Variants in BBOF1 observed in about 807,000 individuals in gnomAD.
The protein encoded by BBOF1 is basal body orientation factor 1.
A neutral mutation model predicts 68.0 loss-of-function variants in BBOF1; 62 were observed. The observed-to-expected ratio is 0.91, with a 90% CI of 0.74 to 1.13. The LOEUF is 1.13. BBOF1 is among the 50% of genes most tolerant of loss of function. The pLI is 0.00. For missense variants in BBOF1, 534 were observed against 600.1 expected (o/e 0.89, Z 1.15); for synonymous variants, 208 against 198.8 (o/e 1.05, Z -0.39).
In BBOF1 at chr14:74,023,032, G is replaced by A. The variant is rs3784039; in HGVS notation, c.173G>A (p.Arg58Gln). ...LSRIKYRDTS[R>Q]ILAKSNEDLK... is the part of the protein sequence containing the mutation. ...AGGATTAAGTATCGTGATACTTCAC[G>A]GATACTGGCAAAAAGTAATGAGGAC... Residue 58 changes from arginine (R) to glutamine (Q), a missense_variant, in exon 2 of 12, where the codon CGG becomes CAG. Physicochemically the swap from Arg to Gln is conservative, Grantham distance 43 (BLOSUM62 1). Coordinates refer to ENST00000394009, the MANE Select transcript of BBOF1 (RefSeq NM_025057.3). 0.15 allele frequency: 237,436 copies of A among 1,608,980 alleles called. 21,817 individuals carry two copies. Among genetic ancestry groups the A allele is most frequent in the East Asian group, 0.55 (24,630 of 44,772 alleles).
chr14:74,075,053 G>C (rs776154938), intron 9 of BBOF1: 2 of 1,601,150 alleles, frequency 1.2e-6, no homozygotes, highest in Middle Eastern at 1.7e-4. Flanking sequence ...TGATAAATGA[G>C]AGCAGAAAGT....
chr14:74,051,110 G>C (rs908413285), intron 8 of BBOF1, among the ~76,000 whole-genome samples: 1 of 152,106 alleles, frequency 6.6e-6, no homozygotes, highest in African/African-American at 2.4e-5. Context: ...TGGGCATGGT[G>C]GCACATTCCT....
chr14:74,044,551 C>T (rs1298868146), intron 5 of BBOF1, among the ~76,000 whole-genome samples: 1 of 151,530 alleles, frequency 6.6e-6, no homozygotes, highest in Non-Finnish European at 1.5e-5. Context: ...CAGCCTCTAC[C>T]TCCCAGTCTC....
At chr14:74,028,783 A>G (rs1022306593) in intron 2 of BBOF1, among the ~76,000 whole-genome samples, 1 of 150,674 alleles carries the variant, frequency 6.6e-6, no homozygotes, top group Non-Finnish European at 1.5e-5. Context: ...ATCTCGGCTC[A>G]CTGCAACCTC....
At chr14:74,045,472 G>A (rs2059928578) in intron 5 of BBOF1, among the ~76,000 whole-genome samples, 1 of 152,092 alleles carries the variant, frequency 6.6e-6, no homozygotes, top group African/African-American at 2.4e-5. Context: ...ACCACACTGG[G>A]CTAATTTTGT....
chr14:74,069,040 A>G, downstream of BBOF1: 2 of 1,584,082 alleles, frequency 1.3e-6, no homozygotes, highest in Non-Finnish European at 1.7e-6. Context: ...CAACATGGCA[A>G]ATTTCCCCTT....
intron 5 of BBOF1, among the ~76,000 whole-genome samples, chr14:74,043,635 G>A (rs757516657): frequency 8.1e-5 from 12 of 148,748 alleles, no homozygotes; most frequent in Non-Finnish European, 1.8e-4. Flanking sequence ...CATGATCTCG[G>A]CTCACTGCAA....
At chr14:74,066,952 A>C, downstream of BBOF1, 28 of 1,485,672 alleles carry the variant, frequency 1.9e-5, no homozygotes, top group Non-Finnish European at 2.3e-5. Context: ...GCCAGGGCTC[A>C]TGCCTGTAAT....
intron 8 of BBOF1, among the ~76,000 whole-genome samples, chr14:74,053,061 T>A (rs531814311): frequency 9.9e-5 from 15 of 152,098 alleles, no homozygotes; most frequent in Non-Finnish European, 2.1e-4. Context: ...ATAAATTTTT[T>A]AAAAAATGAA....
In BBOF1 at chr14:74,072,295, A is replaced by T. The variant is rs2060561109; in HGVS notation, n.1380-5901A>T. On this transcript the variant is annotated intron_variant and non_coding_transcript_variant, in intron 9 of 12. Coordinates refer to the BBOF1 transcript ENST00000492026. ...GCCCATGCAGGAAAAGCACGTTTGC[A>T]GGAAGCAATGGCTGCATCCATTTCT... 1.2e-6 allele frequency: 2 copies of T among 1,614,272 alleles called. No homozygotes were observed. The highest frequency in any genetic ancestry group is 1.7e-6 in the Non-Finnish European group (2 of 1,180,050).
rs545862157 is a variant in BBOF1, at chr14:74,053,055, A to T, written c.1287-2529A>T. ...CAAAAAATAATAATAAATAAAATAAATTTTTTAAAAAATGAAGTATATGGT... is the reference window on the plus strand; with the variant it reads ...CAAAAAATAATAATAAATAAAATAATTTTTTTAAAAAATGAAGTATATGGT... On this transcript the variant is annotated intron_variant, in intron 8 of 11. Coordinates refer to ENST00000394009, the MANE Select transcript of BBOF1 (RefSeq NM_025057.3). Among the ~76,000 whole-genome samples the T allele has an allele frequency of 3.9e-5, 6 of 152,036 alleles. No individual in the cohort carries two copies. The South Asian group carries it at 6.2e-4, about 16-fold the overall frequency.
At chr14:74,064,365 A>AT (rs564076208) in intron 11 of BBOF1, among the ~76,000 whole-genome samples, 237 of 152,196 alleles carry the variant, frequency 1.6e-3, no homozygotes, top group African/African-American at 5.2e-3. Context: ...GCTCAACAAC[A>AT]TTTTTTGTAA....
At chr14:74,056,790 CTACT>C (rs1566818963) in intron 9 of BBOF1, 112 bp from the exon 10 acceptor site, 2 of 682,076 alleles carry the variant, frequency 2.9e-6, no homozygotes, top group East Asian at 2.8e-5. Flanking sequence ...ATACGTATAC[CTACT>C]ATCACCCACA....
chr14:74,069,127 C>G, downstream of BBOF1: 1 of 672,906 alleles, frequency 1.5e-6, no homozygotes, highest in Non-Finnish European at 2.1e-6. Flanking sequence ...TTTTTTGAGA[C>G]GGAGTCTCGC....
At chr14:74,076,325 T>C (rs1373389462) in intron 9 of BBOF1, among the ~76,000 whole-genome samples, 1 of 152,174 alleles carries the variant, frequency 6.6e-6, no homozygotes, top group Non-Finnish European at 1.5e-5. Flanking sequence ...AAGATAACTC[T>C]CAAATTGTAA....
chr14:74,069,192 C>G, downstream of BBOF1: 1 of 445,576 alleles, frequency 2.2e-6, no homozygotes, highest in Non-Finnish European at 4.1e-6. Flanking sequence ...GCAACCTCCG[C>G]CTCCCAGGTT....
At chr14:74,023,320 C>T (rs191907205) in intron 2 of BBOF1, among the ~76,000 whole-genome samples, 176 bp downstream of exon 2, 2 of 152,122 alleles carry the variant, frequency 1.3e-5, no homozygotes, top group Admixed American at 6.6e-5. Flanking sequence ...TTACTGTTAT[C>T]GGCTCTCTTT....
chr14:74,066,892 AAAC>A, downstream of BBOF1: 1 of 1,613,088 alleles, frequency 6.2e-7, no homozygotes, highest in Non-Finnish European at 8.5e-7. Context: ...ATCTCCTGTA[AAAC>A]AACACAGAAG....
At chr14:74,073,609 T>C (rs1434522475) in intron 9 of BBOF1, among the ~76,000 whole-genome samples, 1 of 152,148 alleles carries the variant, frequency 6.6e-6, no homozygotes, top group Non-Finnish European at 1.5e-5. Context: ...TGTGAGCATG[T>C]ATTACCTTTA....
Sources: gnomAD v4.1 joint callset for allele counts (sites outside exome capture counted in the v4.1 genomes callset) on GRCh38, gnomAD v4.1.1 for gene constraint, MANE v1.5 for transcripts, NCBI Gene and HGNC (gene_info 2026-07-23, HGNC 2026-07-21) for gene names.